Variants in HORMAD2 observed in about 807,000 individuals in gnomAD.
HORMAD2 encodes the protein HORMA domain containing 2.
In HORMAD2, 45 loss-of-function variants were observed where a neutral mutation model predicts 38.8. The ratio of observed to expected loss-of-function variants is 1.16; its 90% CI spans 0.91 to 1.49. The LOEUF (loss-of-function observed/expected upper bound fraction) is 1.49, where lower values mean the gene tolerates loss of function less well. HORMAD2 is among the 40% of genes most tolerant of loss of function. The pLI is 0.00. For missense variants in HORMAD2, 338 were observed against 367.0 expected (o/e 0.92, Z 0.65); for synonymous variants, 126 against 122.8 (o/e 1.03, Z -0.17).
intron 10 of HORMAD2, among the ~76,000 whole-genome samples, chr22:30,129,134 C>T (rs1345326229): frequency 1.4e-5 from 2 of 140,588 alleles, no homozygotes; most frequent in Non-Finnish European, 3.0e-5. Context: ...AGGAGAATGG[C>T]AAAAACCCGG....
chr22:30,079,000 T>A (rs1393511140), upstream of HORMAD2, among the ~76,000 whole-genome samples: 1 of 151,414 alleles, frequency 6.6e-6, no homozygotes, highest in Non-Finnish European at 1.5e-5. Flanking sequence ...AATTTTTGGT[T>A]GTTATGATGG....
chr22:30,091,232 TTCTC>T (rs778425126), intron 1 of HORMAD2, among the ~76,000 whole-genome samples: 9 of 150,886 alleles, frequency 6.0e-5, no homozygotes, highest in Non-Finnish European at 7.4e-5. Context: ...CTTTTTCTCT[TTCTC>T]TCTCTCTCTC....
Position 30,176,760 on chromosome 22 carries a change from T to C in HORMAD2, c.*593T>C, listed in dbSNP as rs775166861. 1 of 152,862 alleles carries C rather than the reference T, an allele frequency of 6.5e-6. No individual in the cohort carries two copies. The highest frequency in any genetic ancestry group is 1.5e-5 in the Non-Finnish European group (1 of 68,114). The allele number at this position is 152,862 out of a possible 1,614,324, so 9.5% of individuals were successfully genotyped here. A position where few individuals can be genotyped will look rare whatever the true frequency, so the allele number is the denominator to read the frequency against. ...GTTATCCAATCCGAAACACGGAACA[T>C]GCTGCAATTCAGGAGTCTGGCTCTC... On this transcript the variant is annotated 3_prime_UTR_variant, in exon 11 of 11. Coordinates refer to ENST00000336726, the MANE Select transcript of HORMAD2 (RefSeq NM_152510.4).
intron 8 of HORMAD2, 112 bp downstream of exon 8, chr22:30,119,159 C>A: frequency 1.5e-6 from 1 of 676,418 alleles, no homozygotes. Flanking sequence ...CCCACAAACC[C>A]TACAGAAAAC....
chr22:30,192,137 T>G, the HORMAD2 span: 1 of 152,268 alleles, frequency 6.6e-6, no homozygotes, highest in East Asian at 1.9e-4. Context: ...ACATACCTTC[T>G]TGGGAATGGG....
At chr22:30,174,954 A>G (rs1926340970) in intron 10 of HORMAD2, among the ~76,000 whole-genome samples, 1 of 152,006 alleles carries the variant, frequency 6.6e-6, no homozygotes, top group African/African-American at 2.4e-5. Flanking sequence ...GTCTTAGTAT[A>G]AGCCAAAGGG....
At chr22:30,195,192 CAA>C in the HORMAD2 span, among the ~76,000 whole-genome samples, 4 of 89,630 alleles carry the variant, frequency 4.5e-5, no homozygotes, top group Admixed American at 1.1e-4. Flanking sequence ...GACTCCGTCT[CAA>C]AAAAAAAAAA....
intron 1 of HORMAD2, among the ~76,000 whole-genome samples, chr22:30,085,752 CAATA>C (rs1239956572): frequency 1.3e-5 from 2 of 152,108 alleles, no homozygotes; most frequent in Admixed American, 1.3e-4. Context: ...GAGTCCTTTT[CAATA>C]AATAAATAAA....
chr22:30,206,480 G>C, the HORMAD2 span, among the ~76,000 whole-genome samples: 1 of 151,884 alleles, frequency 6.6e-6, no homozygotes, highest in Non-Finnish European at 1.5e-5. Context: ...TGTTTTGTTT[G>C]TTTGTTTTGT....
chr22:30,119,284 G>A (rs1218821371), intron 8 of HORMAD2, among the ~76,000 whole-genome samples: 1 of 152,126 alleles, frequency 6.6e-6, no homozygotes, highest in Admixed American at 6.6e-5. Context: ...TGTCAATAAG[G>A]TTGCCTACAC....
At chr22:30,206,997 A>G in the HORMAD2 span, 1 of 460,134 alleles carries the variant, frequency 2.2e-6, no homozygotes. Context: ...ACTTCGGCAG[A>G]GACAGAGCCC....
intron 10 of HORMAD2, among the ~76,000 whole-genome samples, chr22:30,167,541 C>T (rs1007693973): frequency 2.6e-5 from 4 of 152,118 alleles, no homozygotes; most frequent in Admixed American, 2.6e-4. Flanking sequence ...TTACTCATTA[C>T]AAGAACATTG....
intron 10 of HORMAD2, among the ~76,000 whole-genome samples, chr22:30,125,559 G>A (rs1216193625): frequency 6.6e-6 from 1 of 151,904 alleles, no homozygotes; most frequent in East Asian, 1.9e-4. Flanking sequence ...GGTCTTTTGA[G>A]CAATGTAAGT....
chr22:30,162,510 A>G (rs34420020), intron 10 of HORMAD2, among the ~76,000 whole-genome samples: 13,472 of 152,156 alleles, frequency 0.089, 1,037 homozygotes, highest in South Asian at 0.23. Context: ...TAATATTCAC[A>G]TATTAAAATG....
At chr22:30,129,187 C>T (rs1368959482) in intron 10 of HORMAD2, among the ~76,000 whole-genome samples, 2 of 127,068 alleles carry the variant, frequency 1.6e-5, no homozygotes, top group African/African-American at 6.1e-5. Context: ...CACTACACTC[C>T]AGCCTGGGTG....
chr22:30,159,176 A>G (rs1388741158), intron 10 of HORMAD2, among the ~76,000 whole-genome samples: 2 of 152,196 alleles, frequency 1.3e-5, no homozygotes, highest in Non-Finnish European at 2.9e-5. Context: ...GGAGAGTTTC[A>G]ACTCTTAATC....
At chr22:30,193,032 T>C in the HORMAD2 span, among the ~76,000 whole-genome samples, 20 of 152,310 alleles carry the variant, frequency 1.3e-4, no homozygotes, top group African/African-American at 4.8e-4. Flanking sequence ...TTCATTGATA[T>C]ATCAAAAAAG....
chr22:30,078,509 G>C (rs1221223942), upstream of HORMAD2, among the ~76,000 whole-genome samples: 5 of 147,424 alleles, frequency 3.4e-5, no homozygotes, highest in Non-Finnish European at 5.9e-5. Flanking sequence ...AGGTGGCTGA[G>C]GCAGGAGAAT....
At chr22:30,088,989 G>A (rs1423020769) in intron 1 of HORMAD2, among the ~76,000 whole-genome samples, 1 of 152,116 alleles carries the variant, frequency 6.6e-6, no homozygotes, top group Non-Finnish European at 1.5e-5. Flanking sequence ...GAATCTTTAA[G>A]GGTTAAAGAA....
Sources: allele counts gnomAD v4.1 joint callset (sites outside exome capture counted in the v4.1 genomes callset), GRCh38; gene constraint gnomAD v4.1.1; transcripts MANE v1.5; gene names NCBI Gene and HGNC (gene_info 2026-07-23, HGNC 2026-07-21).